The following LINGO1 variants were observed in gnomAD, a reference collection of about 807,000 sequenced individuals.
LINGO1 encodes leucine-rich repeat and immunoglobulin-like domain-containing nogo receptor-interacting protein 1.
LINGO1 carries 11 observed loss-of-function variants against 37.3 expected under a neutral mutation model. The observed-to-expected ratio is 0.29, with a 90% confidence interval of 0.19 to 0.49. The LOEUF (loss-of-function observed/expected upper bound fraction) is 0.49, where lower values mean the gene tolerates loss of function less well. LINGO1 is among the 20% of genes least tolerant of loss of function. LINGO1 has a pLI of 0.99. For synonymous variants in LINGO1, 387 were observed against 403.0 expected, an observed-to-expected ratio of 0.96 and a Z score of 0.48; for missense variants, 585 against 878.2, an observed-to-expected ratio of 0.67 and a Z score of 4.22.
Position 77,614,770 on chromosome 15 carries a change from C to A in LINGO1, c.1137G>T (p.Trp379Cys). ...NPLACDCRLL[W>C]VFRRRWRLNF... The stretch of plus-strand genomic sequence containing the variant: ...TGAGCCGCCAGCGGCGCCGGAACAC[C>A]CACAGGAGCCGACAGTCGCAGGCCA... Residue 379 changes from tryptophan to cysteine, a missense_variant, in exon 2 of 2, where the codon TGG becomes TGT. Physicochemically the swap from Trp to Cys is radical, Grantham distance 215 (BLOSUM62 -2). Transcript: ENST00000355300. 6.2e-7 allele frequency: 1 copy of A among 1,608,764 alleles called. No homozygotes were observed. Among genetic ancestry groups the A allele is most frequent in the East Asian group, 2.2e-5 (1 of 44,578 alleles).
chr15:77,705,174 G>GACACAC lies in LINGO1; in HGVS notation c.-194-14279_-194-14274dup, dbSNP rs72451354. Among the ~76,000 whole-genome samples, 556 of 99,112 alleles carry GACACAC rather than the reference G, an allele frequency of 5.6e-3. 20 individuals are homozygous for GACACAC. The highest frequency in any genetic ancestry group is 0.018 in the African/African-American group (476 of 26,500). The allele number at this position is 99,112 out of a possible 152,430, so 65.0% of individuals were successfully genotyped here. On this transcript the variant is annotated intron_variant, in intron 2 of 3. Transcript: ENST00000561686. ...GAAGATACCCCCCTCCCCCTGCCAT[G>GACACAC]ACACACACACACACACACACACACA...
upstream of LINGO1, among the ~76,000 whole-genome samples, chr15:77,789,854 T>C (rs1387154879): frequency 3.9e-5 from 6 of 152,040 alleles, no homozygotes; most frequent in African/African-American, 1.2e-4. Context: ...GGCTCAATCA[T>C]AGCTCATTGC....
chr15:77,727,230 T>A (rs1208251836), intron 2 of LINGO1, among the ~76,000 whole-genome samples: 6 of 152,244 alleles, frequency 3.9e-5, no homozygotes, highest in African/African-American at 1.4e-4. Flanking sequence ...TGTGTATGTG[T>A]GTGCATATAT....
chr15:77,651,941 G>A (rs2074766028), intron 3 of LINGO1: 1 of 152,144 alleles, frequency 6.6e-6, no homozygotes. Flanking sequence ...GCTGAGCAAG[G>A]GTAGCCTTGG....
intron 2 of LINGO1, among the ~76,000 whole-genome samples, chr15:77,722,164 G>A (rs2076056883): frequency 7.6e-6 from 1 of 131,880 alleles, no homozygotes; most frequent in Non-Finnish European, 1.7e-5. Flanking sequence ...ATAGGAGCCT[G>A]CAAAATGTGT....
upstream of LINGO1, chr15:77,787,153 C>T (rs1224065489): frequency 1.3e-5 from 2 of 152,266 alleles, no homozygotes; most frequent in Admixed American, 6.5e-5. Flanking sequence ...AACAAAACCA[C>T]CCCTGTGAGA....
At chr15:77,717,254 C>T (rs2075995729) in intron 2 of LINGO1, among the ~76,000 whole-genome samples, 1 of 150,816 alleles carries the variant, frequency 6.6e-6, no homozygotes, top group Non-Finnish European at 1.5e-5. Context: ...ATGTTCCACT[C>T]GAAAGCATTA....
chr15:77,780,389 C>G (rs2076704059), intron 1 of LINGO1, among the ~76,000 whole-genome samples: 2 of 152,074 alleles, frequency 1.3e-5, no homozygotes, highest in East Asian at 3.9e-4. Flanking sequence ...CAGGGCCCAC[C>G]TATCATACAC....
chr15:77,636,646 C>T (rs2074402430), upstream of LINGO1, among the ~76,000 whole-genome samples: 1 of 152,074 alleles, frequency 6.6e-6, no homozygotes, highest in Non-Finnish European at 1.5e-5. Flanking sequence ...CACAGCCACT[C>T]CCTGGGCCAA....
intron 1 of LINGO1, among the ~76,000 whole-genome samples, chr15:77,776,552 G>GGACGGCAGGAAAGCA (rs2076656202): frequency 6.9e-6 from 1 of 145,318 alleles, no homozygotes; most frequent in Non-Finnish European, 1.5e-5. Flanking sequence ...GAGGGAGGGA[G>GGACGGCAGGAAAGCA]GGAGGGAGCT....
Position 77,817,567 on chromosome 15 carries a change from T to C in LINGO1, c.-458+2691A>G, listed in dbSNP as rs114347661. ...AGCACTGACAGCCTCTGGCCCCAAA[T>C]CCAGGAAGCACATATTTAACCAAGC... On this transcript the variant is annotated intron_variant, in intron 1 of 5. Coordinates refer to the LINGO1 transcript ENST00000562933. Among the ~76,000 whole-genome samples, 1,417 of 152,170 alleles carry C rather than the reference T, an allele frequency of 9.3e-3. 9 individuals carry two copies. Among genetic ancestry groups the C allele is most frequent in the South Asian group, 0.021 (99 of 4,812 alleles).
At chr15:77,634,626 C>T (rs2074357791), upstream of LINGO1, among the ~76,000 whole-genome samples, 1 of 152,134 alleles carries the variant, frequency 6.6e-6, no homozygotes, top group Non-Finnish European at 1.5e-5. Flanking sequence ...GGGGCAGGCT[C>T]GGCAGAAGGA....
At chr15:77,750,275 C>A (rs1466961508) in intron 1 of LINGO1, among the ~76,000 whole-genome samples, 1 of 152,254 alleles carries the variant, frequency 6.6e-6, no homozygotes, top group African/African-American at 2.4e-5. Context: ...CCCCTACTCT[C>A]ACTAGCAAAT....
At chr15:77,635,347 G>T (rs2074376138), upstream of LINGO1, among the ~76,000 whole-genome samples, 4 of 152,264 alleles carry the variant, frequency 2.6e-5, no homozygotes, top group South Asian at 8.3e-4. Context: ...GTCTAGTTTG[G>T]GCCTGGTGAG....
chr15:77,804,368 C>T (rs991380575), intron 1 of LINGO1, among the ~76,000 whole-genome samples: 3 of 152,170 alleles, frequency 2.0e-5, no homozygotes, highest in African/African-American at 7.2e-5. Flanking sequence ...TCATGTGGCC[C>T]CGGGTCCCAA....
intron 3 of LINGO1, among the ~76,000 whole-genome samples, chr15:77,657,719 C>G (rs753788993): frequency 8.6e-5 from 13 of 152,036 alleles, no homozygotes; most frequent in Non-Finnish European, 1.9e-4. Flanking sequence ...CTCTCCCCCT[C>G]AACTGAAGGA....
At chr15:77,702,298 G>C (rs80103481) in intron 2 of LINGO1, among the ~76,000 whole-genome samples, 4,163 of 152,248 alleles carry the variant, frequency 0.027, 185 homozygotes, top group African/African-American at 0.095. Context: ...CAGGCTGGGG[G>C]ACACCTGCAT....
upstream of LINGO1, among the ~76,000 whole-genome samples, chr15:77,633,470 C>T (rs1346545961): frequency 6.6e-6 from 1 of 152,206 alleles, no homozygotes; most frequent in African/African-American, 2.4e-5. Flanking sequence ...CGAAAGTCCG[C>T]GAGGCTAGAG....
At chr15:77,715,636 A>G (rs2075974618) in intron 2 of LINGO1, among the ~76,000 whole-genome samples, 1 of 152,248 alleles carries the variant, frequency 6.6e-6, no homozygotes, top group Admixed American at 6.5e-5. Context: ...TAATGGGAAC[A>G]AGATGTCTGC....
Sources: allele counts gnomAD v4.1 joint callset (sites outside exome capture counted in the v4.1 genomes callset), GRCh38; gene constraint gnomAD v4.1.1; transcripts MANE v1.5; gene names NCBI Gene and HGNC (gene_info 2026-07-23, HGNC 2026-07-21).